The following SPRED2 variants were observed in gnomAD, a reference collection of about 807,000 sequenced individuals.
SPRED2 encodes sprouty-related, EVH1 domain-containing protein 2.
In SPRED2, 47 loss-of-function variants were observed where a neutral mutation model predicts 43.0. That is an observed-to-expected ratio of 1.09 (90% confidence interval 0.87 to 1.40). The LOEUF is 1.40. SPRED2 is among the 40% of genes most tolerant of loss of function. The pLI is 0.00. For missense variants in SPRED2, 561 were observed against 586.4 expected (o/e 0.96, Z 0.45); for synonymous variants, 225 against 225.7 (o/e 1.00, Z 0.03).
intron 1 of SPRED2, among the ~76,000 whole-genome samples, chr2:65,418,530 CTTTCTTTCTTTCCTT>C (rs1676341703): frequency 6.6e-6 from 1 of 151,696 alleles, no homozygotes; most frequent in Admixed American, 6.6e-5. Context: ...ATAAATATTT[CTTTCTTTCTTTCCTT>C]TTTCTTTCTT....
intron 1 of SPRED2, among the ~76,000 whole-genome samples, chr2:65,380,382 C>T (rs908057587): frequency 1.3e-5 from 2 of 152,162 alleles, no homozygotes; most frequent in Non-Finnish European, 2.9e-5. Flanking sequence ...GCTTTTGCCC[C>T]AGGAGACTCT....
chr2:65,307,885 A>G (rs1181197234), downstream of SPRED2, among the ~76,000 whole-genome samples: 1 of 151,954 alleles, frequency 6.6e-6, no homozygotes, highest in African/African-American at 2.4e-5. Flanking sequence ...GGAAAGACCA[A>G]CGGGCTTCCA....
At chr2:65,412,200 T>C (rs564046707) in intron 1 of SPRED2, among the ~76,000 whole-genome samples, 2 of 148,306 alleles carry the variant, frequency 1.3e-5, no homozygotes, top group African/African-American at 4.9e-5. Flanking sequence ...ATTTAGGAGG[T>C]GAATCTCAAA....
intron 4 of SPRED2, among the ~76,000 whole-genome samples, chr2:65,320,890 G>A (rs886310917): frequency 2.6e-5 from 4 of 152,188 alleles, no homozygotes; most frequent in Non-Finnish European, 2.9e-5. Context: ...CTGCAGAAAA[G>A]CAGCCCACCT....
chr2:65,336,124 G>A (rs925952790), intron 2 of SPRED2, among the ~76,000 whole-genome samples: 2 of 152,196 alleles, frequency 1.3e-5, no homozygotes, highest in Non-Finnish European at 2.9e-5. Context: ...GGGGGCTGAG[G>A]CAAGAGGATC....
intron 1 of SPRED2, among the ~76,000 whole-genome samples, chr2:65,403,408 G>A (rs1675951020): frequency 2.0e-5 from 3 of 152,210 alleles, no homozygotes; most frequent in Middle Eastern, 3.4e-3. Context: ...TGAGTAGCTG[G>A]GACTACAGGC....
chr2:65,310,081 T>C (rs1181720004), downstream of SPRED2, among the ~76,000 whole-genome samples: 3 of 152,038 alleles, frequency 2.0e-5, no homozygotes, highest in East Asian at 3.9e-4. Context: ...AGTGAGCTCG[T>C]AGGACTCTTT....
At chr2:65,401,930 C>CGCGCGT (rs1553426585) in intron 1 of SPRED2, among the ~76,000 whole-genome samples, 8 of 101,302 alleles carry the variant, frequency 7.9e-5, no homozygotes, top group African/African-American at 2.8e-4. Flanking sequence ...AATATTAGCG[C>CGCGCGT]GCGCGCGCAC....
intron 4 of SPRED2, among the ~76,000 whole-genome samples, chr2:65,322,728 A>C (rs1180477825): frequency 6.6e-6 from 1 of 152,180 alleles, no homozygotes; most frequent in Non-Finnish European, 1.5e-5. Flanking sequence ...ACTTCTAATG[A>C]ATTTCTATTA....
rs1016303377 is a variant in SPRED2 at position 65,311,093 on chromosome 2, C to G, written c.*2408G>C. ...TTAATTTGTTAATGTGAGCAAATAG[C>G]TTGGGGGGTCGGGGAGGCTTCTGGA... On this transcript the variant is annotated 3_prime_UTR_variant, in exon 6 of 6. Transcript: ENST00000356388. 1.7e-4 allele frequency: 163 copies of G among 985,540 alleles called. No individual in the cohort carries two copies. Among genetic ancestry groups the G allele is most frequent in the Non-Finnish European group, 2.0e-4 (162 of 829,900 alleles). The allele number at this position is 985,540 out of a possible 1,614,324, so 61.0% of individuals were successfully genotyped here. A position where few individuals can be genotyped will look rare whatever the true frequency, so the allele number is the denominator to read the frequency against.
intron 2 of SPRED2, among the ~76,000 whole-genome samples, chr2:65,339,167 C>T (rs1431622582): frequency 2.1e-5 from 3 of 140,554 alleles, no homozygotes; most frequent in Admixed American, 7.0e-5. Context: ...TCTGCCCGGC[C>T]GCCCCTACTG....
Position 65,344,840 on chromosome 2 carries a change from C to A in SPRED2, c.83G>T (p.Gly28Val). 6.2e-7 allele frequency: 1 copy of A among 1,614,178 alleles called. No homozygotes were observed. The highest frequency in any genetic ancestry group is 1.1e-5 in the South Asian group (1 of 91,086). The change falls in exon 2 of 6, where the codon GGG becomes GTG. Residue 28 changes from glycine to valine, a missense_variant. Gly to Val is a moderately radical substitution (Grantham distance 109, BLOSUM62 -3). Coordinates refer to ENST00000356388, the MANE Select transcript of SPRED2 (RefSeq NM_181784.3). ...AVVMTRDDSS[G>V]GWFPQEGGGI... is the part of the protein sequence containing the mutation. The stretch of plus-strand genomic sequence containing the variant: ...GCCTCCTTCCTGTGGGAACCATCCC[C>A]CGCTGGAGTCATCTCTGGTCATAAC...
chr2:65,399,857 T>G (rs1410772277), intron 1 of SPRED2, among the ~76,000 whole-genome samples: 1 of 152,162 alleles, frequency 6.6e-6, no homozygotes. Context: ...AGATTACACA[T>G]TGGGTACACT....
intron 1 of SPRED2, among the ~76,000 whole-genome samples, chr2:65,359,104 A>G (rs1674734829): frequency 6.6e-6 from 1 of 152,224 alleles, no homozygotes; most frequent in African/African-American, 2.4e-5. Flanking sequence ...TTAGGGTCAC[A>G]ATGACTGTTG....
chr2:65,402,250 G>A (rs1675919670), intron 1 of SPRED2, among the ~76,000 whole-genome samples: 1 of 117,612 alleles, frequency 8.5e-6, no homozygotes, highest in Admixed American at 1.2e-4. Context: ...CTGCACTCCA[G>A]CCTGGGAGAC....
chr2:65,330,072 G>A (rs980327675), intron 4 of SPRED2, among the ~76,000 whole-genome samples: 36 of 152,144 alleles, frequency 2.4e-4, no homozygotes, highest in Non-Finnish European at 4.1e-4. Context: ...CACCCCCAGC[G>A]AGGACTTTTT....
chr2:65,319,835 C>T (rs1166699044), intron 4 of SPRED2, among the ~76,000 whole-genome samples: 3 of 152,170 alleles, frequency 2.0e-5, no homozygotes, highest in Admixed American at 6.5e-5. Context: ...GATGGTGAAT[C>T]CAGGCCATGG....
At chr2:65,401,754 C>T (rs1365945372) in intron 1 of SPRED2, among the ~76,000 whole-genome samples, 2 of 151,774 alleles carry the variant, frequency 1.3e-5, no homozygotes, top group Non-Finnish European at 2.9e-5. Flanking sequence ...GAGCCAAGAT[C>T]GCACCACTGC....
chr2:65,386,215 A>C (rs1327828534), intron 1 of SPRED2, among the ~76,000 whole-genome samples: 2 of 137,554 alleles, frequency 1.5e-5, no homozygotes, highest in African/African-American at 2.6e-5. Context: ...AACCCGGGAG[A>C]TGGAGGTTGC....
Sources: gnomAD v4.1 joint callset for allele counts (sites outside exome capture counted in the v4.1 genomes callset) on GRCh38, gnomAD v4.1.1 for gene constraint, MANE v1.5 for transcripts, NCBI Gene and HGNC (gene_info 2026-07-23, HGNC 2026-07-21) for gene names.